Variants in MAF observed in about 807,000 individuals in gnomAD.
The protein encoded by MAF is transcription factor Maf.
A neutral mutation model predicts 22.0 loss-of-function variants in MAF; 10 were observed. The ratio of observed to expected loss-of-function variants is 0.45; its 90% CI spans 0.28 to 0.77. The LOEUF is 0.77. Among genes scored for constraint, MAF ranks in the 30% least tolerant of loss-of-function variants. The pLI, the probability that MAF is intolerant of heterozygous loss-of-function variation, is 0.12. For missense variants in MAF, 544 were observed against 548.4 expected (o/e 0.99, Z 0.08); for synonymous variants, 337 against 255.8 (o/e 1.32, Z -3.03).
At chr16:79,534,900 G>A in the MAF span, among the ~76,000 whole-genome samples, 24 of 152,238 alleles carry the variant, frequency 1.6e-4, no homozygotes, top group South Asian at 2.5e-3. Flanking sequence ...TGGGCCAACC[G>A]CTTCATCTTT....
chr16:79,419,201 G>C, the MAF span, among the ~76,000 whole-genome samples: 1 of 152,136 alleles, frequency 6.6e-6, no homozygotes, highest in African/African-American at 2.4e-5. Flanking sequence ...TTTAATATCA[G>C]CATGGGCCAA....
the MAF span, among the ~76,000 whole-genome samples, chr16:79,263,896 C>T: frequency 6.6e-6 from 1 of 152,148 alleles, no homozygotes. Context: ...CTAGGTGGTC[C>T]CACATCCCTT....
At chr16:79,547,610 T>C in the MAF span, among the ~76,000 whole-genome samples, 1 of 152,266 alleles carries the variant, frequency 6.6e-6, no homozygotes, top group Middle Eastern at 3.4e-3. Flanking sequence ...GCTATATAGA[T>C]GCAACAAATA....
the MAF span, among the ~76,000 whole-genome samples, chr16:79,550,461 C>T: frequency 6.6e-6 from 1 of 152,254 alleles, no homozygotes; most frequent in Non-Finnish European, 1.5e-5. Flanking sequence ...GTCTTTGACT[C>T]TTCCAGTCAG....
At chr16:79,428,220 C>T in the MAF span, among the ~76,000 whole-genome samples, 1 of 152,074 alleles carries the variant, frequency 6.6e-6, no homozygotes, top group African/African-American at 2.4e-5. Flanking sequence ...TCACCTCCTC[C>T]ACCTGCAGCT....
chr16:79,262,494 G>A, the MAF span, among the ~76,000 whole-genome samples: 3 of 152,122 alleles, frequency 2.0e-5, no homozygotes, highest in Non-Finnish European at 4.4e-5. Context: ...CAAGGGCCTC[G>A]GGTGGATACC....
the MAF span, among the ~76,000 whole-genome samples, chr16:79,425,613 A>G: frequency 6.6e-6 from 1 of 152,114 alleles, no homozygotes; most frequent in Non-Finnish European, 1.5e-5. Context: ...TTAAAACCAA[A>G]CCAAACCAAA....
the MAF span, among the ~76,000 whole-genome samples, chr16:79,321,645 C>CTTTTTTTTT: frequency 1.1e-5 from 1 of 86,970 alleles, no homozygotes; most frequent in Non-Finnish European, 2.3e-5. Flanking sequence ...TTTTCTTTTT[C>CTTTTTTTTT]TTTTTTTTTT....
At chr16:79,204,982 G>A in the MAF span, 1 of 152,124 alleles carries the variant, frequency 6.6e-6, no homozygotes, top group Non-Finnish European at 1.5e-5. Flanking sequence ...CATGTCTTTT[G>A]TCAGGGAGAA....
chr16:79,432,547 A>G, the MAF span, among the ~76,000 whole-genome samples: 3 of 152,202 alleles, frequency 2.0e-5, no homozygotes, highest in Admixed American at 1.3e-4. Flanking sequence ...ATACTGTAAT[A>G]TTTTTGTACC....
At chr16:79,578,352 T>C in the MAF span, among the ~76,000 whole-genome samples, 4 of 152,152 alleles carry the variant, frequency 2.6e-5, no homozygotes, top group Non-Finnish European at 1.5e-5. Context: ...CTTTCTTCAG[T>C]ATTAATGAAT....
At chr16:79,437,146 CTG>C in the MAF span, among the ~76,000 whole-genome samples, 9 of 99,146 alleles carry the variant, frequency 9.1e-5, no homozygotes, top group African/African-American at 1.9e-4. Context: ...CTCTCTCTCT[CTG>C]TGTGTGTGTG....
At position 79,600,483 on chromosome 16, in the gene MAF, A is replaced by AT. The variant is rs908061098; in HGVS notation, c.-582dup. On this transcript the variant is annotated 5_prime_UTR_variant, in exon 1 of 2. Transcript: ENST00000326043. The stretch of plus-strand genomic sequence containing the variant: ...CCTCTTCTGCTTGGCTCTCTTTATT[A>AT]TTTTTTTTCTTTCCTCTCTCTCCCT... 9.9e-5 allele frequency: 19 copies of AT among 191,138 alleles called. No homozygotes were observed. The highest frequency in any genetic ancestry group is 3.2e-4 in the African/African-American group (13 of 40,760). 11.8% of individuals were successfully genotyped at this position (191,138 alleles called of 1,614,324 possible). A position where few individuals can be genotyped will look rare whatever the true frequency, so the allele number is the denominator to read the frequency against.
the MAF span, among the ~76,000 whole-genome samples, chr16:79,306,798 GTCTC>G: frequency 6.6e-6 from 1 of 152,166 alleles, no homozygotes; most frequent in South Asian, 2.1e-4. Flanking sequence ...ACTAGAGGCA[GTCTC>G]TCTGTGTGAC....
the MAF span, among the ~76,000 whole-genome samples, chr16:79,331,083 T>C: frequency 7.9e-5 from 12 of 152,224 alleles, no homozygotes; most frequent in African/African-American, 2.9e-4. Context: ...GTGGGTTTGT[T>C]TGAGGATTGA....
chr16:79,462,962 G>T, the MAF span, among the ~76,000 whole-genome samples: 10 of 152,340 alleles, frequency 6.6e-5, no homozygotes, highest in East Asian at 1.4e-3. Context: ...GGGGATTAGA[G>T]GGTGGTAAAG....
At chr16:79,355,219 C>T in the MAF span, among the ~76,000 whole-genome samples, 1 of 152,204 alleles carries the variant, frequency 6.6e-6, no homozygotes, top group African/African-American at 2.4e-5. Flanking sequence ...TCACAACTTT[C>T]CCTGCTGGAA....
At chr16:79,385,470 G>C in the MAF span, among the ~76,000 whole-genome samples, 1 of 152,172 alleles carries the variant, frequency 6.6e-6, no homozygotes, top group East Asian at 1.9e-4. Context: ...AATGAGGAAA[G>C]GGTTGAAAGC....
chr16:79,502,725 A>G, the MAF span, among the ~76,000 whole-genome samples: 2 of 91,484 alleles, frequency 2.2e-5, no homozygotes, highest in Admixed American at 1.2e-4. Context: ...ATATATATAT[A>G]TATATATATA....
Sources: gnomAD v4.1 joint callset for allele counts (sites outside exome capture counted in the v4.1 genomes callset) on GRCh38, gnomAD v4.1.1 for gene constraint, MANE v1.5 for transcripts, NCBI Gene and HGNC (gene_info 2026-07-23, HGNC 2026-07-21) for gene names.